GOLM1: variants seen among roughly 807,000 people sequenced by gnomAD.
GOLM1 encodes the protein epididymis luminal protein 46.
A neutral mutation model predicts 50.5 loss-of-function variants in GOLM1; 31 were observed. The observed-to-expected ratio is 0.61, with a 90% CI of 0.46 to 0.83. GOLM1 has a LOEUF of 0.83. GOLM1 is among the 40% of genes least tolerant of loss of function. The pLI, the probability that GOLM1 is intolerant of heterozygous loss-of-function variation, is 0.00. For synonymous variants in GOLM1, 178 were observed against 192.8 expected, an observed-to-expected ratio of 0.92 and a Z score of 0.64; for missense variants, 491 against 501.3, an observed-to-expected ratio of 0.98 and a Z score of 0.20.
intron 4 of GOLM1, 70 bp downstream of exon 4, chr9:86,052,467 A>C: frequency 7.6e-7 from 1 of 1,312,292 alleles, no homozygotes; most frequent in Non-Finnish European, 1.1e-6. Flanking sequence ...ACCTGGGCCT[A>C]GAGAAGGAGA....
At position 86,046,440 on chromosome 9, in the gene GOLM1, A is replaced by C. The variant is rs1018084205; in HGVS notation, c.467+30T>G. The C allele has an allele frequency of 5.3e-6, 7 of 1,323,812 alleles. No homozygotes were observed. In the African/African-American group the frequency reaches 7.2e-5, roughly 14 times the overall value. 82.0% of individuals were successfully genotyped at this position (1,323,812 alleles called of 1,614,324 possible). On this transcript the variant is annotated intron_variant, in intron 5 of 9. Coordinates refer to ENST00000388712, the MANE Select transcript of GOLM1 (RefSeq NM_016548.4). ...GCCTCCCAGGTGCCGTGCACCCTGC[A>C]CTGTGGCACGCGCTCTGAGGTGTAC...
chr9:86,051,229 C>G (rs1175955846), intron 4 of GOLM1, among the ~76,000 whole-genome samples: 3 of 152,106 alleles, frequency 2.0e-5, no homozygotes, highest in African/African-American at 7.2e-5. Context: ...GTCTGAGAGA[C>G]AGTTTGTTAT....
At chr9:86,090,130 G>C (rs1835128287) in intron 1 of GOLM1, among the ~76,000 whole-genome samples, 1 of 152,118 alleles carries the variant, frequency 6.6e-6, no homozygotes, top group Admixed American at 6.5e-5. Flanking sequence ...TTGTCGCAGA[G>C]GGGCACCCAC....
At chr9:86,081,591 A>G (rs376358365) in intron 1 of GOLM1, among the ~76,000 whole-genome samples, 31 of 152,200 alleles carry the variant, frequency 2.0e-4, no homozygotes, top group African/African-American at 7.0e-4. Flanking sequence ...GAAACTACAC[A>G]CAGTAGAGTA....
intron 3 of GOLM1, among the ~76,000 whole-genome samples, chr9:86,073,417 C>T (rs10120604): frequency 0.026 from 3,991 of 152,192 alleles, 161 homozygotes; most frequent in African/African-American, 0.092. Context: ...AAACAACTTC[C>T]ATAACAAATA....
At chr9:86,087,876 T>C (rs1835028940) in intron 1 of GOLM1, among the ~76,000 whole-genome samples, 1 of 152,228 alleles carries the variant, frequency 6.6e-6, no homozygotes, top group African/African-American at 2.4e-5. Context: ...TCGATGTTCA[T>C]CAGGGATATT....
At chr9:86,055,267 T>C (rs1359703896) in intron 3 of GOLM1, among the ~76,000 whole-genome samples, 3 of 152,150 alleles carry the variant, frequency 2.0e-5, no homozygotes, top group Non-Finnish European at 2.9e-5. Context: ...CGAAGGGGTG[T>C]GTACAGGTAT....
At chr9:86,088,695 T>A (rs1835074684) in intron 1 of GOLM1, among the ~76,000 whole-genome samples, 1 of 151,096 alleles carries the variant, frequency 6.6e-6, no homozygotes, top group Admixed American at 6.6e-5. Context: ...ACAGCATACC[T>A]ATGGGTCTTG....
intron 1 of GOLM1, among the ~76,000 whole-genome samples, chr9:86,097,039 A>G (rs1408288731): frequency 6.6e-6 from 1 of 151,004 alleles, no homozygotes. Flanking sequence ...AAATAAGACC[A>G]AAATGTAAAA....
At chr9:86,050,901 G>A (rs1286853265) in intron 4 of GOLM1, among the ~76,000 whole-genome samples, 1 of 152,090 alleles carries the variant, frequency 6.6e-6, no homozygotes, top group Non-Finnish European at 1.5e-5. Context: ...CTTGCCTTCT[G>A]CTGGCTTTTG....
rs568075126 is a variant in GOLM1 at position 86,026,614 on chromosome 9, G to C, written c.*1203C>G. 1.1e-5 allele frequency: 11 copies of C among 982,738 alleles called. No homozygotes were observed. The South Asian group carries it at 3.8e-4, about 34-fold the overall frequency. 60.9% of individuals were successfully genotyped at this position (982,738 alleles called of 1,614,324 possible). ...TGTGGATCCTCCTACTTACCCCTTA[G>C]AGAGCCTTACTGGGAAGTCAGTCAT... On this transcript the variant is annotated 3_prime_UTR_variant, in exon 10 of 10. Transcript: ENST00000388712.
intron 3 of GOLM1, among the ~76,000 whole-genome samples, chr9:86,058,767 C>T (rs968842772): frequency 6.7e-5 from 10 of 150,336 alleles, no homozygotes; most frequent in East Asian, 6.0e-4. Context: ...AAGTCCGAGG[C>T]GGGCGGATCA....
chr9:86,100,047 G>A (rs911147083), upstream of GOLM1: 1 of 152,254 alleles, frequency 6.6e-6, no homozygotes, highest in Non-Finnish European at 1.5e-5. Context: ...TTTCTCCCAC[G>A]AGGCATTCCC....
chr9:86,052,598 C>T lies in GOLM1; in HGVS notation c.310-7G>A, dbSNP rs776292227. The T allele has an allele frequency of 3.7e-6, 6 of 1,613,176 alleles. No individual in the cohort carries two copies. In the African/African-American group the frequency reaches 4.0e-5, roughly 11 times the overall value. ...TGTTATTCACCAAAACCGCCTGCAA[C>T]GAAGATAAACTCGCATGAAACACCC... On this transcript the variant is annotated splice_region_variant and splice_polypyrimidine_tract_variant and intron_variant, in intron 3 of 9. Transcript: ENST00000388712.
At chr9:86,076,273 T>A (rs1834607939) in intron 3 of GOLM1, among the ~76,000 whole-genome samples, 1 of 151,470 alleles carries the variant, frequency 6.6e-6, no homozygotes, top group South Asian at 2.1e-4. Context: ...TACAAAAAAT[T>A]AGCTGGGCGT....
intron 3 of GOLM1, among the ~76,000 whole-genome samples, chr9:86,066,217 C>T (rs546567235): frequency 1.3e-5 from 2 of 152,306 alleles, no homozygotes; most frequent in African/African-American, 4.8e-5. Flanking sequence ...TCAGAAGACA[C>T]TCAAGAACGC....
At chr9:86,052,052 A>C (rs1833771036) in intron 4 of GOLM1, among the ~76,000 whole-genome samples, 1 of 152,058 alleles carries the variant, frequency 6.6e-6, no homozygotes, top group South Asian at 2.1e-4. Context: ...CCCCCGACAA[A>C]GGACAGCACC....
At chr9:86,067,209 G>C (rs1834333375) in intron 3 of GOLM1, among the ~76,000 whole-genome samples, 1 of 152,208 alleles carries the variant, frequency 6.6e-6, no homozygotes, top group African/African-American at 2.4e-5. Context: ...ACAGGTATCA[G>C]CCACCATGCC....
intron 6 of GOLM1, among the ~76,000 whole-genome samples, chr9:86,038,182 A>G (rs2118659199): frequency 6.6e-6 from 1 of 151,012 alleles, no homozygotes; most frequent in Non-Finnish European, 1.5e-5. Context: ...AAAGAAAAAG[A>G]AAAAACCTGC....
Sources: allele counts gnomAD v4.1 joint callset (sites outside exome capture counted in the v4.1 genomes callset), GRCh38; gene constraint gnomAD v4.1.1; transcripts MANE v1.5; gene names NCBI Gene and HGNC (gene_info 2026-07-23, HGNC 2026-07-21).